The following PCDH15 variants were observed in gnomAD, a reference collection of about 807,000 sequenced individuals.
PCDH15 encodes the protein protocadherin related 15.
Under a neutral mutation model 178.5 loss-of-function variants are expected in PCDH15, and 129 were observed. That is an observed-to-expected ratio of 0.72 (90% CI 0.63 to 0.84). The LOEUF is 0.84. Among genes scored for constraint, PCDH15 ranks in the 40% least tolerant of loss-of-function variants. PCDH15 has a pLI of 0.00. For missense variants in PCDH15, 2,230 were observed against 2,099.9 expected (o/e 1.06, Z -1.21); for synonymous variants, 800 against 732.0 (o/e 1.09, Z -1.50).
intron 8 of PCDH15, among the ~76,000 whole-genome samples, chr10:54,307,125 T>A (rs1205152483): frequency 1.5e-5 from 1 of 67,632 alleles, no homozygotes; most frequent in Non-Finnish European, 2.7e-5. Context: ...TATATATATA[T>A]ATATATATAT....
intron 6 of PCDH15, among the ~76,000 whole-genome samples, chr10:54,338,355 AG>A (rs1269974560): frequency 6.6e-6 from 1 of 152,234 alleles, no homozygotes; most frequent in African/African-American, 2.4e-5. Context: ...CCTAGGAATA[AG>A]TAATCACTGT....
At chr10:54,408,491 CAT>C (rs1297615424) in intron 3 of PCDH15, among the ~76,000 whole-genome samples, 6 of 107,696 alleles carry the variant, frequency 5.6e-5, no homozygotes, top group Non-Finnish European at 1.1e-4. Context: ...AATCTATTAA[CAT>C]GTTTTACAAT....
chr10:53,867,687 C>T (rs924296001), intron 26 of PCDH15, among the ~76,000 whole-genome samples: 1 of 151,880 alleles, frequency 6.6e-6, no homozygotes, highest in Admixed American at 6.6e-5. Context: ...AATAGGCATA[C>T]AGTGTGATGG....
At chr10:55,235,932 A>AG (rs1841374461) in intron 1 of PCDH15, among the ~76,000 whole-genome samples, 1 of 141,168 alleles carries the variant, frequency 7.1e-6, no homozygotes, top group South Asian at 2.2e-4. Flanking sequence ...AAAAAAAAAA[A>AG]GAATCTCCTT....
At chr10:54,221,753 C>T (rs536488904) in intron 9 of PCDH15, among the ~76,000 whole-genome samples, 2 of 152,254 alleles carry the variant, frequency 1.3e-5, no homozygotes, top group South Asian at 2.1e-4. Flanking sequence ...CAGGTGCCCA[C>T]CACCACGCCC....
chr10:55,298,780 G>A lies in PCDH15; in HGVS notation c.-156+20819C>T, dbSNP rs566777604. Among the ~76,000 whole-genome samples, 8 of 152,068 alleles carry A rather than the reference G, an allele frequency of 5.3e-5. No homozygotes were observed. The South Asian group carries it at 1.7e-3, about 32-fold the overall frequency. ...TTTTTAGTAGAGACGGTTTCACCACGTTTGCCAGGCTGGTCTCCAACTCCT... is the reference window on the plus strand; with the variant it reads ...TTTTTAGTAGAGACGGTTTCACCACATTTGCCAGGCTGGTCTCCAACTCCT... On this transcript the variant is annotated intron_variant, in intron 1 of 5. Transcript: ENST00000458638.
At position 55,465,500 on chromosome 10, in the gene PCDH15, C is replaced by T. The variant is rs1010034939; in HGVS notation, c.-156+162125G>A. Among the ~76,000 whole-genome samples, 3 of 152,174 alleles carry T rather than the reference C, an allele frequency of 2.0e-5. No homozygotes were observed. The South Asian group carries it at 6.2e-4, about 32-fold the overall frequency. ...CTTTTAAAATGTACCAATGCCAGCCCCTTTTCATCAGTCTTATTTAATTTG... is the reference window on the plus strand; with the variant it reads ...CTTTTAAAATGTACCAATGCCAGCCTCTTTTCATCAGTCTTATTTAATTTG... On this transcript the variant is annotated intron_variant, in intron 2 of 5. Coordinates refer to the PCDH15 transcript ENST00000613346.
intron 8 of PCDH15, among the ~76,000 whole-genome samples, chr10:54,254,197 T>G (rs2056727682): frequency 6.6e-6 from 1 of 152,142 alleles, no homozygotes; most frequent in African/African-American, 2.4e-5. Context: ...GAGGACCTAC[T>G]GTCTCACCCC....
chr10:53,878,315 CTA>C (rs1279234182), intron 26 of PCDH15, among the ~76,000 whole-genome samples: 7 of 59,312 alleles, frequency 1.2e-4, no homozygotes, highest in Non-Finnish European at 1.4e-4. Flanking sequence ...TATATATATT[CTA>C]TATATATAGT....
intron 3 of PCDH15, among the ~76,000 whole-genome samples, chr10:54,812,069 C>T (rs1952872278): frequency 6.6e-6 from 1 of 151,952 alleles, no homozygotes; most frequent in Non-Finnish European, 1.5e-5. Flanking sequence ...ACATATTAAG[C>T]TAAGTAATAA....
At chr10:55,347,733 A>C (rs1392096277) in intron 2 of PCDH15, among the ~76,000 whole-genome samples, 1 of 152,182 alleles carries the variant, frequency 6.6e-6, no homozygotes, top group Non-Finnish European at 1.5e-5. Context: ...TTGAAGGGTC[A>C]AAGTCTTTGT....
intron 2 of PCDH15, among the ~76,000 whole-genome samples, chr10:54,904,224 G>C (rs1453305368): frequency 6.6e-6 from 1 of 151,934 alleles, no homozygotes; most frequent in Non-Finnish European, 1.5e-5. Context: ...TGCTGTGGAA[G>C]TATAATTAAT....
intron 2 of PCDH15, among the ~76,000 whole-genome samples, chr10:54,556,287 T>C (rs1050712754): frequency 2.3e-4 from 35 of 152,210 alleles, no homozygotes; most frequent in African/African-American, 7.7e-4. Context: ...ATCAATGATG[T>C]ACCTGGACAG....
chr10:54,838,729 G>A (rs1023891935), intron 3 of PCDH15, among the ~76,000 whole-genome samples: 5 of 152,056 alleles, frequency 3.3e-5, no homozygotes, highest in African/African-American at 7.2e-5. Flanking sequence ...GAGGTATGTC[G>A]CTTTGTGTAC....
At chr10:53,822,208 A>T (rs756796609) in intron 32 of PCDH15, 2 of 1,613,950 alleles carry the variant, frequency 1.2e-6, no homozygotes. Context: ...ATACAGACAC[A>T]CTCTGTGGAC....
chr10:55,235,922 A>AC (rs1192717251), intron 1 of PCDH15, among the ~76,000 whole-genome samples: 32 of 144,800 alleles, frequency 2.2e-4, no homozygotes, highest in Admixed American at 1.9e-3. Context: ...AAAAAAAAAA[A>AC]AAAAAAAAAA....
intron 1 of PCDH15, among the ~76,000 whole-genome samples, chr10:54,721,967 A>C (rs934926516): frequency 3.3e-5 from 5 of 151,904 alleles, no homozygotes; most frequent in African/African-American, 1.2e-4. Context: ...AAAAATCTTC[A>C]ACAAAATACT....
intron 8 of PCDH15, among the ~76,000 whole-genome samples, chr10:54,264,078 C>T (rs562333852): frequency 1.1e-3 from 175 of 152,234 alleles, no homozygotes; most frequent in African/African-American, 4.1e-3. Flanking sequence ...AGACTGAAGG[C>T]TGCACATCAG....
intron 2 of PCDH15, among the ~76,000 whole-genome samples, chr10:55,141,267 G>A (rs971982561): frequency 6.6e-6 from 1 of 151,872 alleles, no homozygotes; most frequent in African/African-American, 2.4e-5. Flanking sequence ...TTTCTCTAAT[G>A]CTCAAATAAG....
Sources: gnomAD v4.1 joint callset for allele counts (sites outside exome capture counted in the v4.1 genomes callset) on GRCh38, gnomAD v4.1.1 for gene constraint, MANE v1.5 for transcripts, NCBI Gene and HGNC (gene_info 2026-07-23, HGNC 2026-07-21) for gene names.